Variants in TBL1X observed in about 807,000 individuals in gnomAD.
The protein encoded by TBL1X is F-box-like/WD repeat-containing protein TBL1X.
TBL1X carries 10 observed loss-of-function variants against 50.7 expected under a neutral mutation model. The observed-to-expected ratio is 0.20, with a 90% CI of 0.12 to 0.33. The LOEUF (loss-of-function observed/expected upper bound fraction) is 0.33, where lower values mean the gene tolerates loss of function less well. Ranked by LOEUF, TBL1X falls within the 10% of genes least tolerant of loss-of-function variation. TBL1X has a pLI of 1.00. For missense variants in TBL1X, 340 were observed against 504.4 expected, an observed-to-expected ratio of 0.67 and a Z score of 3.12; for synonymous variants, 190 against 214.7, an observed-to-expected ratio of 0.88 and a Z score of 1.01.
At chrX:9,521,932 C>A (rs2082108840) in intron 2 of TBL1X, among the ~76,000 whole-genome samples, 2 of 111,287 alleles carry the variant, frequency 1.8e-5, no homozygotes, top group South Asian at 7.5e-4. Flanking sequence ...TATGAAGCAC[C>A]TGAAATGTGG....
chrX:9,642,276 A>G (rs1207885631), intron 3 of TBL1X, among the ~76,000 whole-genome samples: 3 of 111,505 alleles, frequency 2.7e-5, no homozygotes, highest in Non-Finnish European at 5.6e-5. Flanking sequence ...GTAGCCTTTG[A>G]TAACTTGTAT....
At chrX:9,483,138 G>A (rs1292482214) in intron 1 of TBL1X, among the ~76,000 whole-genome samples, 2 of 111,257 alleles carry the variant, frequency 1.8e-5, no homozygotes, top group Non-Finnish European at 3.8e-5. Flanking sequence ...GAGTTATCCA[G>A]CCCCAAAAGG....
intron 2 of TBL1X, among the ~76,000 whole-genome samples, chrX:9,602,133 TTTC>T (rs1173674992): frequency 3.6e-5 from 4 of 112,288 alleles, no homozygotes; most frequent in Non-Finnish European, 7.5e-5. Context: ...CATTTTTCTT[TTTC>T]TTCTTATTTC....
At chrX:9,609,336 G>GGTGTGTGTGTGTGTGTGTGT (rs775969638) in intron 2 of TBL1X, among the ~76,000 whole-genome samples, 11 of 94,773 alleles carry the variant, frequency 1.2e-4, no homozygotes, top group African/African-American at 4.5e-4. Flanking sequence ...TTTTCTTCCA[G>GGTGTGTGTGTGTGTGTGTGT]GTGTGTGTGT....
chrX:9,693,471 T>C, intron 11 of TBL1X, 52 bp downstream of exon 11: 1 of 1,077,567 alleles, frequency 9.3e-7, no homozygotes, highest in Non-Finnish European at 1.3e-6. Context: ...GTTATATATT[T>C]TTAATCTCAA....
chrX:9,652,381 A>G (rs903669246), intron 3 of TBL1X, among the ~76,000 whole-genome samples: 1 of 112,013 alleles, frequency 8.9e-6, no homozygotes, highest in Non-Finnish European at 1.9e-5. Context: ...GGCAGTAACC[A>G]TTACTTTGAA....
chrX:9,574,217 A>G (rs372834584), intron 2 of TBL1X, among the ~76,000 whole-genome samples: 1 of 109,961 alleles, frequency 9.1e-6, no homozygotes, highest in Non-Finnish European at 1.9e-5. Flanking sequence ...TAGTCCTAGC[A>G]GGAGCTCAGT....
chrX:9,666,312 T>TA (rs1325970085), intron 5 of TBL1X, among the ~76,000 whole-genome samples: 4 of 111,338 alleles, frequency 3.6e-5, no homozygotes, highest in Non-Finnish European at 7.5e-5. Context: ...AATTGAAAGA[T>TA]AAAAAAATCA....
chrX:9,604,176 A>G (rs866191932), intron 2 of TBL1X, among the ~76,000 whole-genome samples: 9 of 111,631 alleles, frequency 8.1e-5, no homozygotes, highest in Middle Eastern at 4.7e-3. Flanking sequence ...CTCTGTGGCC[A>G]CACATGACCC....
At chrX:9,604,663 G>A (rs2082573894) in intron 2 of TBL1X, among the ~76,000 whole-genome samples, 1 of 111,086 alleles carries the variant, frequency 9.0e-6, no homozygotes, top group South Asian at 3.8e-4. Flanking sequence ...ATGACAAGAC[G>A]GGAATGCTGT....
At chrX:9,565,132 C>T (rs1245904518) in intron 2 of TBL1X, among the ~76,000 whole-genome samples, 3 of 107,969 alleles carry the variant, frequency 2.8e-5, no homozygotes, top group South Asian at 4.1e-4. Flanking sequence ...ATTAGCCGGG[C>T]GTGGTGTTGG....
Position 9,495,920 on chromosome X carries a change from C to T in TBL1X, c.-200-5860C>T, listed in dbSNP as rs184140744. Among the ~76,000 whole-genome samples, 72 of 112,285 alleles carry T rather than the reference C, an allele frequency of 6.4e-4. 1 individual carries two copies. The highest frequency in any genetic ancestry group is 2.1e-3 in the African/African-American group (66 of 30,911). On this transcript the variant is annotated intron_variant, in intron 1 of 17. Transcript: ENST00000645353. The stretch of plus-strand genomic sequence containing the variant: ...GTGCATTTGGTGACACAGCCACACG[C>T]TGCATGTTTGAGAATGACCATGAAA...
chrX:9,583,986 A>G (rs1056259280), intron 2 of TBL1X, among the ~76,000 whole-genome samples: 5 of 112,514 alleles, frequency 4.4e-5, no homozygotes, highest in South Asian at 3.7e-4. Context: ...TCTAAAATGT[A>G]TGGAATGAAG....
intron 2 of TBL1X, among the ~76,000 whole-genome samples, chrX:9,579,595 C>G (rs752008979): frequency 1.8e-5 from 2 of 111,717 alleles, no homozygotes; most frequent in Non-Finnish European, 3.8e-5. Context: ...TTCCTTTACA[C>G]CACAGAGCCT....
At chrX:9,575,823 T>C (rs1251747333) in intron 2 of TBL1X, among the ~76,000 whole-genome samples, 1 of 112,035 alleles carries the variant, frequency 8.9e-6, no homozygotes, top group Admixed American at 9.4e-5. Context: ...AATATTATAA[T>C]GCTGTGCAGA....
chrX:9,658,214 A>G (rs760803355), intron 5 of TBL1X, among the ~76,000 whole-genome samples: 47 of 111,442 alleles, frequency 4.2e-4, no homozygotes, highest in African/African-American at 1.5e-3. Flanking sequence ...ACCCAGTCTC[A>G]GGTATGTCTG....
At chrX:9,512,089 T>G (rs990002094) in intron 2 of TBL1X, among the ~76,000 whole-genome samples, 1 of 110,829 alleles carries the variant, frequency 9.0e-6, no homozygotes, top group Non-Finnish European at 1.9e-5. Context: ...TAACTCCTGG[T>G]CTCAAGTGAT....
chrX:9,704,656 G>A (rs933705659), intron 12 of TBL1X, among the ~76,000 whole-genome samples: 2 of 111,263 alleles, frequency 1.8e-5, no homozygotes, highest in African/African-American at 3.3e-5. Flanking sequence ...AGGCCGAGGC[G>A]GGTAGATAGT....
At chrX:9,706,612 T>A (rs1473154292) in intron 13 of TBL1X, among the ~76,000 whole-genome samples, 1 of 111,656 alleles carries the variant, frequency 9.0e-6, no homozygotes, top group Non-Finnish European at 1.9e-5. Context: ...GAACAACAGC[T>A]GACTTAGCAA....
Sources: gnomAD v4.1 joint callset for allele counts (sites outside exome capture counted in the v4.1 genomes callset) on GRCh38, gnomAD v4.1.1 for gene constraint, MANE v1.5 for transcripts, NCBI Gene and HGNC (gene_info 2026-07-23, HGNC 2026-07-21) for gene names.